The following SEMA3E variants were observed in gnomAD, a reference collection of about 807,000 sequenced individuals.
SEMA3E encodes the protein semaphorin-3E.
A neutral mutation model predicts 93.6 loss-of-function variants in SEMA3E; 49 were observed. The ratio of observed to expected loss-of-function variants is 0.52; its 90% CI spans 0.42 to 0.66. The LOEUF is 0.66. Among genes scored for constraint, SEMA3E ranks in the 30% least tolerant of loss-of-function variants. The pLI is 0.00. For synonymous variants in SEMA3E, 363 were observed against 330.7 expected, an observed-to-expected ratio of 1.10 and a Z score of -1.06; for missense variants, 906 against 964.8, an observed-to-expected ratio of 0.94 and a Z score of 0.81.
At chr7:83,588,237 C>A (rs564797061) in intron 1 of SEMA3E, among the ~76,000 whole-genome samples, 1 of 152,148 alleles carries the variant, frequency 6.6e-6, no homozygotes, top group South Asian at 2.1e-4. Context: ...CAAAAATTAG[C>A]TGGGCATGGT....
chr7:83,527,450 T>G (rs1187007913), intron 1 of SEMA3E, among the ~76,000 whole-genome samples: 1 of 152,096 alleles, frequency 6.6e-6, no homozygotes, highest in African/African-American at 2.4e-5. Flanking sequence ...CTATGACCAT[T>G]TAAGCATTAA....
chr7:83,619,366 A>G (rs1009330141), intron 1 of SEMA3E, among the ~76,000 whole-genome samples: 1 of 151,920 alleles, frequency 6.6e-6, no homozygotes, highest in Non-Finnish European at 1.5e-5. Flanking sequence ...AACAAAGCAA[A>G]ATATAAAAAC....
At position 83,648,574 on chromosome 7, in the gene SEMA3E, C is replaced by T; in HGVS notation, c.-32G>A. The stretch of plus-strand genomic sequence containing the variant: ...GTGTTCACCGTCCAAGCCCTCGCTC[C>T]TCACTTTAAGGAGGGTCTGAGTTTT... On this transcript the variant is annotated 5_prime_UTR_variant, in exon 1 of 17. Transcript: ENST00000643230. 1 of 1,545,562 alleles carries T rather than the reference C, an allele frequency of 6.5e-7. No homozygotes were observed. Among genetic ancestry groups the T allele is most frequent in the Non-Finnish European group, 8.9e-7 (1 of 1,119,042 alleles).
chr7:83,398,537 G>A (rs900155967), intron 11 of SEMA3E, among the ~76,000 whole-genome samples: 12 of 152,150 alleles, frequency 7.9e-5, no homozygotes, highest in Admixed American at 3.3e-4. Context: ...CCACAGTGCT[G>A]AGCATATTAT....
intron 14 of SEMA3E, among the ~76,000 whole-genome samples, chr7:83,387,432 A>G (rs1057209481): frequency 6.6e-6 from 1 of 152,162 alleles, no homozygotes; most frequent in African/African-American, 2.4e-5. Flanking sequence ...TATTGAGTAC[A>G]AAACAGTTAT....
chr7:83,560,498 AT>A, intron 1 of SEMA3E, among the ~76,000 whole-genome samples: 1 of 152,190 alleles, frequency 6.6e-6, no homozygotes, highest in Admixed American at 6.6e-5. Flanking sequence ...ATTCAGAGAA[AT>A]TTTGTGTGAT....
At chr7:83,452,730 G>A (rs1413683837) in intron 4 of SEMA3E, among the ~76,000 whole-genome samples, 2 of 152,108 alleles carry the variant, frequency 1.3e-5, no homozygotes, top group African/African-American at 4.8e-5. Flanking sequence ...AGATTGACAG[G>A]AGAGGAAGGC....
intron 16 of SEMA3E, chr7:83,372,828 T>C (rs1198619535): frequency 6.6e-6 from 1 of 152,148 alleles, no homozygotes; most frequent in Non-Finnish European, 1.5e-5. Context: ...GTTAGAGGTA[T>C]CTTACATGGA....
chr7:83,512,514 G>T (rs2115653671), intron 1 of SEMA3E, among the ~76,000 whole-genome samples: 1 of 152,214 alleles, frequency 6.6e-6, no homozygotes, highest in Admixed American at 6.5e-5. Context: ...ATTCAAAAAA[G>T]ATATTACGTT....
chr7:83,615,416 G>A (rs1326852292), intron 1 of SEMA3E, among the ~76,000 whole-genome samples: 2 of 151,888 alleles, frequency 1.3e-5, no homozygotes, highest in Non-Finnish European at 2.9e-5. Flanking sequence ...TGATGATGAA[G>A]GGAATAATTT....
At chr7:83,585,062 C>T (rs1193009157) in intron 1 of SEMA3E, among the ~76,000 whole-genome samples, 1 of 152,146 alleles carries the variant, frequency 6.6e-6, no homozygotes, top group Non-Finnish European at 1.5e-5. Context: ...TTTGAAGACA[C>T]TAAGCATTCT....
At chr7:83,510,162 T>C (rs902591233) in intron 1 of SEMA3E, among the ~76,000 whole-genome samples, 5 of 152,188 alleles carry the variant, frequency 3.3e-5, no homozygotes, top group South Asian at 2.1e-4. Context: ...AAAATACAAA[T>C]TGATCATTGA....
intron 1 of SEMA3E, among the ~76,000 whole-genome samples, chr7:83,519,169 T>C (rs1187572233): frequency 1.3e-5 from 2 of 151,466 alleles, no homozygotes; most frequent in African/African-American, 4.8e-5. Flanking sequence ...CCCCTTCCTG[T>C]GTCCATGTGT....
intron 1 of SEMA3E, among the ~76,000 whole-genome samples, chr7:83,557,712 C>T (rs528236163): frequency 2.0e-5 from 3 of 152,178 alleles, no homozygotes; most frequent in East Asian, 3.9e-4. Flanking sequence ...TCCTTCCTAC[C>T]GATTCTTTAG....
chr7:83,448,129 C>T (rs1382506053), intron 4 of SEMA3E, among the ~76,000 whole-genome samples: 2 of 152,100 alleles, frequency 1.3e-5, no homozygotes, highest in Admixed American at 6.5e-5. Flanking sequence ...CCGGAAAAAG[C>T]AAGTCATTTT....
chr7:83,558,228 T>C (rs1791960405), intron 1 of SEMA3E, among the ~76,000 whole-genome samples: 1 of 152,100 alleles, frequency 6.6e-6, no homozygotes, highest in South Asian at 2.1e-4. Flanking sequence ...AAGACAAAGA[T>C]TGGAAGAAAT....
intron 16 of SEMA3E, among the ~76,000 whole-genome samples, chr7:83,370,028 T>G (rs907299652): frequency 6.6e-6 from 1 of 152,180 alleles, no homozygotes. Context: ...CTTATTTTCC[T>G]TACTCTTTCT....
intron 4 of SEMA3E, among the ~76,000 whole-genome samples, chr7:83,442,951 G>C (rs1182464462): frequency 6.6e-6 from 1 of 152,184 alleles, no homozygotes; most frequent in African/African-American, 2.4e-5. Flanking sequence ...TTAGTAGCTT[G>C]TGTCGATGAA....
At chr7:83,542,995 C>A (rs1791569417) in intron 1 of SEMA3E, among the ~76,000 whole-genome samples, 1 of 151,806 alleles carries the variant, frequency 6.6e-6, no homozygotes, top group Non-Finnish European at 1.5e-5. Context: ...TATGTACAGA[C>A]TAAAAAAAGT....
Sources: allele counts gnomAD v4.1 joint callset (sites outside exome capture counted in the v4.1 genomes callset), GRCh38; gene constraint gnomAD v4.1.1; transcripts MANE v1.5; gene names NCBI Gene and HGNC (gene_info 2026-07-23, HGNC 2026-07-21).